ECM2: variants seen among roughly 807,000 people sequenced by gnomAD.
ECM2 encodes the protein extracellular matrix protein 2, female organ and adipocyte specific.
A neutral mutation model predicts 67.5 loss-of-function variants in ECM2; 57 were observed. The observed-to-expected ratio is 0.84, with a 90% CI of 0.68 to 1.05. The LOEUF is 1.05. Ranked by LOEUF, ECM2 falls within the 50% of genes least tolerant of loss-of-function variation. The pLI is 0.00. For synonymous variants in ECM2, 258 were observed against 294.5 expected (o/e 0.88, Z 1.27); for missense variants, 741 against 822.8 (o/e 0.90, Z 1.22).
chr9:92,535,352 G>A (rs1849104537), intron 1 of ECM2, among the ~76,000 whole-genome samples: 1 of 152,104 alleles, frequency 6.6e-6, no homozygotes, highest in South Asian at 2.1e-4. Flanking sequence ...TCGTAATTGA[G>A]TGTTTGCCTC....
chr9:92,550,350 C>A, the ECM2 span, among the ~76,000 whole-genome samples: 1 of 150,784 alleles, frequency 6.6e-6, no homozygotes, highest in Non-Finnish European at 1.5e-5. Context: ...GAGCCGAGAT[C>A]GTGCCATTGC....
chr9:92,494,534 T>C (rs1447233083), downstream of ECM2, among the ~76,000 whole-genome samples: 1 of 152,218 alleles, frequency 6.6e-6, no homozygotes, highest in Non-Finnish European at 1.5e-5. Context: ...AGTCTAACAG[T>C]TATCTTCATA....
At chr9:92,525,464 T>G (rs1848334320) in intron 1 of ECM2, among the ~76,000 whole-genome samples, 1 of 152,182 alleles carries the variant, frequency 6.6e-6, no homozygotes, top group Non-Finnish European at 1.5e-5. Context: ...ACCATGATGG[T>G]CCCATAAAAT....
chr9:92,525,305 G>A (rs1215393451), intron 1 of ECM2, among the ~76,000 whole-genome samples: 6 of 150,362 alleles, frequency 4.0e-5, no homozygotes, highest in Middle Eastern at 3.2e-3. Flanking sequence ...GTAACAGAGC[G>A]AGACTCTGTC....
chr9:92,495,241 GA>G (rs1245542006), downstream of ECM2: 3 of 655,442 alleles, frequency 4.6e-6, no homozygotes, highest in Non-Finnish European at 1.9e-6. Context: ...ATAAAACTGA[GA>G]GTAACAAAAG....
At chr9:92,544,777 G>A in the ECM2 span, among the ~76,000 whole-genome samples, 84 of 148,880 alleles carry the variant, frequency 5.6e-4, no homozygotes, top group African/African-American at 2.1e-3. Context: ...GTGCAGTGGC[G>A]CGATCTCAGC....
the ECM2 span, among the ~76,000 whole-genome samples, chr9:92,549,744 A>G: frequency 6.6e-5 from 10 of 152,318 alleles, no homozygotes; most frequent in African/African-American, 2.4e-4. Context: ...CATTTTATCA[A>G]TAGCATCTGT....
Position 92,532,015 on chromosome 9 carries a change from G to T in ECM2, c.-28+3918C>A, listed in dbSNP as rs2398752. On this transcript the variant is annotated intron_variant, in intron 1 of 9. Transcript: ENST00000344604. ...TTTTCTTTTTCTTTTTTTATTTAAT[G>T]TTTTTTTTTTTTTATTTTATTTTTT... Among the ~76,000 whole-genome samples, 132 of 95,556 alleles carry T rather than the reference G, an allele frequency of 1.4e-3. 1 individual carries two copies. Among genetic ancestry groups the T allele is most frequent in the African/African-American group, 3.9e-3 (65 of 16,792 alleles). 62.7% of individuals were successfully genotyped at this position (95,556 alleles called of 152,430 possible).
intron 1 of ECM2, chr9:92,528,190 G>A (rs1848532238): frequency 6.6e-6 from 1 of 152,288 alleles, no homozygotes; most frequent in Non-Finnish European, 1.5e-5. Flanking sequence ...TATATCTGAA[G>A]CATTTTCCAA....
Position 92,496,319 on chromosome 9 carries a change from T to C in ECM2, c.2096A>G (p.Lys699Arg). 1 of 1,576,348 alleles carries C rather than the reference T, an allele frequency of 6.3e-7. No homozygotes were observed. The highest frequency in any genetic ancestry group is 1.2e-5 in the South Asian group (1 of 83,582). The change falls in exon 10 of 10, where the codon AAG becomes AGG. Residue 699 changes from lysine to arginine, a missense_variant. By Grantham distance (26) the Lys-to-Arg change is conservative (BLOSUM62 2). Coordinates refer to ENST00000344604, the MANE Select transcript of ECM2 (RefSeq NM_001393.4). ...SSIVLKPQNI[K>R] ...ACAGCAAAGGAAAACTTGGAATTAC[T>C]TGATGTTTTGTGGTTTAAGAACGAT... is the stretch of plus-strand genomic sequence containing the variant.
At chr9:92,506,620 C>T (rs768099077) in intron 6 of ECM2, among the ~76,000 whole-genome samples, 16 of 152,170 alleles carry the variant, frequency 1.1e-4, no homozygotes, top group African/African-American at 2.4e-4. Context: ...ACAGCAAAGA[C>T]GGTTGCATCA....
chr9:92,543,965 G>C, the ECM2 span, among the ~76,000 whole-genome samples: 1 of 152,100 alleles, frequency 6.6e-6, no homozygotes, highest in Non-Finnish European at 1.5e-5. Flanking sequence ...CTCTATATAA[G>C]ATGTCATCTG....
chr9:92,544,108 T>C, the ECM2 span, among the ~76,000 whole-genome samples: 2 of 152,378 alleles, frequency 1.3e-5, no homozygotes, highest in Non-Finnish European at 1.5e-5. Context: ...TGTTGTCTTA[T>C]TCCTGATCTT....
At chr9:92,508,341 A>G (rs1847132597) in intron 6 of ECM2, among the ~76,000 whole-genome samples, 1 of 152,208 alleles carries the variant, frequency 6.6e-6, no homozygotes, top group African/African-American at 2.4e-5. Context: ...GTGGGCTAAG[A>G]AAGGCAGGCA....
chr9:92,545,693 AATCCAGCTGGGCTC>A, the ECM2 span, among the ~76,000 whole-genome samples: 432 of 152,314 alleles, frequency 2.8e-3, 3 homozygotes, highest in African/African-American at 9.9e-3. Context: ...CCACTGGGTG[AATCCAGCTGGGCTC>A]ATCCAGCTGG....
Position 92,509,936 on chromosome 9 carries a change from C to T in ECM2, c.1269G>A (p.Glu423=). ...PSTLEELKVN[E]NNLQAIDEES... is the part of the protein sequence containing the mutation. ...CTTCATCGATAGCCTGAAGATTGTT[C>T]TCATTGACTTTAAGTTCTTCTAATG... The change falls in exon 6 of 10, where the codon GAG becomes GAA. Residue 423 remains glutamate (E), a synonymous_variant. Coordinates refer to ENST00000344604, the MANE Select transcript of ECM2 (RefSeq NM_001393.4). 1 of 1,607,802 alleles carries T rather than the reference C, an allele frequency of 6.2e-7. No homozygotes were observed. The highest frequency in any genetic ancestry group is 1.7e-4 in the Middle Eastern group (1 of 5,774).
At chr9:92,547,016 A>T in the ECM2 span, among the ~76,000 whole-genome samples, 1 of 152,200 alleles carries the variant, frequency 6.6e-6, no homozygotes, top group African/African-American at 2.4e-5. Context: ...ACTAATGAAC[A>T]TAGATTTTAA....
intron 2 of ECM2, among the ~76,000 whole-genome samples, chr9:92,522,035 GTTCC>G (rs1458767470): frequency 6.6e-6 from 1 of 152,062 alleles, no homozygotes; most frequent in Non-Finnish European, 1.5e-5. Flanking sequence ...TTATAAATGT[GTTCC>G]TTAAGTTGTT....
the ECM2 span, among the ~76,000 whole-genome samples, chr9:92,545,822 A>T: frequency 1.3e-5 from 2 of 152,326 alleles, no homozygotes; most frequent in South Asian, 4.1e-4. Flanking sequence ...TAAATGCACC[A>T]ATCAGCACAC....
Sources: gnomAD v4.1 joint callset for allele counts (sites outside exome capture counted in the v4.1 genomes callset) on GRCh38, gnomAD v4.1.1 for gene constraint, MANE v1.5 for transcripts, NCBI Gene and HGNC (gene_info 2026-07-23, HGNC 2026-07-21) for gene names.